The following MOV10L1 variants were observed in gnomAD, a reference collection of about 807,000 sequenced individuals.
The protein encoded by MOV10L1 is Mov10 like RNA helicase 1.
Under a neutral mutation model 143.8 loss-of-function variants are expected in MOV10L1, and 110 were observed. The observed-to-expected ratio is 0.76, with a 90% CI of 0.66 to 0.90. MOV10L1 has a LOEUF of 0.90. MOV10L1 is among the 40% of genes least tolerant of loss of function. The pLI, the probability that MOV10L1 is intolerant of heterozygous loss-of-function variation, is 0.00. For missense variants in MOV10L1, 1,406 were observed against 1,526.8 expected (o/e 0.92, Z 1.32); for synonymous variants, 593 against 581.1 (o/e 1.02, Z -0.29).
chr22:50,151,607 G>A (rs2063298432), intron 21 of MOV10L1, among the ~76,000 whole-genome samples: 1 of 152,182 alleles, frequency 6.6e-6, no homozygotes, highest in Non-Finnish European at 1.5e-5. Context: ...CCATGAAACT[G>A]CCCCCAGGAA....
At chr22:50,110,563 G>C (rs2061997407) in intron 5 of MOV10L1, among the ~76,000 whole-genome samples, 1 of 152,116 alleles carries the variant, frequency 6.6e-6, no homozygotes, top group Admixed American at 6.5e-5. Flanking sequence ...TGCTGTTTTG[G>C]GTGGATTTTT....
intron 5 of MOV10L1, among the ~76,000 whole-genome samples, chr22:50,112,863 T>A (rs1199100727): frequency 6.6e-6 from 1 of 152,230 alleles, no homozygotes; most frequent in Non-Finnish European, 1.5e-5. Context: ...TCAGCAACGC[T>A]GTGGACTCTC....
At chr22:50,136,374 T>C (rs896080515) in intron 15 of MOV10L1, among the ~76,000 whole-genome samples, 2 of 152,246 alleles carry the variant, frequency 1.3e-5, no homozygotes, top group African/African-American at 4.8e-5. Context: ...ATGGATTAAC[T>C]AGATTGAAAA....
At chr22:50,160,927 CTTG>C (rs781372782) in intron 25 of MOV10L1, 34 bp from the exon 26 acceptor site, 1 of 1,613,652 alleles carries the variant, frequency 6.2e-7, no homozygotes, top group South Asian at 1.1e-5. Context: ...GGGGCCTTCA[CTTG>C]CTCTCACACC....
chr22:50,157,002 C>T (rs1292103955), intron 22 of MOV10L1, among the ~76,000 whole-genome samples: 1 of 152,210 alleles, frequency 6.6e-6, no homozygotes, highest in East Asian at 1.9e-4. Context: ...AGTTTCCCCA[C>T]ATCCTCACCA....
intron 13 of MOV10L1, among the ~76,000 whole-genome samples, chr22:50,129,552 A>G (rs1239232315): frequency 6.6e-6 from 1 of 151,986 alleles, no homozygotes; most frequent in East Asian, 1.9e-4. Context: ...TGCTGTTACG[A>G]TTGTTTGCTG....
intron 5 of MOV10L1, among the ~76,000 whole-genome samples, chr22:50,109,889 GCCTGT>G (rs1569281351): frequency 6.6e-6 from 1 of 152,012 alleles, no homozygotes; most frequent in African/African-American, 2.4e-5. Flanking sequence ...GGTGGCTCAC[GCCTGT>G]AATCCCAACG....
chr22:50,092,486 A>C (rs1188338499), intron 2 of MOV10L1, among the ~76,000 whole-genome samples: 2 of 152,024 alleles, frequency 1.3e-5, no homozygotes, highest in Non-Finnish European at 2.9e-5. Context: ...AAACCCACAA[A>C]AGTTAGCCTG....
intron 1 of MOV10L1, chr22:50,090,878 G>T: frequency 7.1e-6 from 2 of 281,506 alleles, no homozygotes; most frequent in South Asian, 7.4e-5. Context: ...GGTTCGCCAT[G>T]TTGGTCAGGC....
intron 1 of MOV10L1, chr22:50,090,714 TTGC>T: frequency 3.0e-6 from 2 of 669,306 alleles, no homozygotes; most frequent in South Asian, 1.9e-5. Flanking sequence ...TTCGCTCTTG[TTGC>T]CCAGGCTGGA....
At chr22:50,093,523 T>G (rs1472152873) in intron 2 of MOV10L1, 4 of 141,692 alleles carry the variant, frequency 2.8e-5, no homozygotes, top group African/African-American at 5.1e-5. Context: ...TTTTTTCAAT[T>G]TTTGAGACAG....
intron 15 of MOV10L1, among the ~76,000 whole-genome samples, chr22:50,138,862 C>G (rs911214432): frequency 2.0e-5 from 3 of 152,090 alleles, no homozygotes; most frequent in Non-Finnish European, 2.9e-5. Context: ...TGCCACCACA[C>G]CCTGCTAATT....
At chr22:50,116,603 A>T (rs113591139) in intron 8 of MOV10L1, among the ~76,000 whole-genome samples, 79 of 149,804 alleles carry the variant, frequency 5.3e-4, no homozygotes, top group African/African-American at 1.7e-3. Flanking sequence ...GAATATCAAA[A>T]TTTTTTCCTA....
intron 12 of MOV10L1, among the ~76,000 whole-genome samples, chr22:50,126,650 G>C (rs757423387): frequency 3.9e-5 from 6 of 152,164 alleles, no homozygotes; most frequent in Non-Finnish European, 7.3e-5. Flanking sequence ...AGTAGATCCT[G>C]GTGCTCCAGA....
chr22:50,138,308 G>GCC (rs1358429557), intron 15 of MOV10L1, among the ~76,000 whole-genome samples: 2 of 152,280 alleles, frequency 1.3e-5, no homozygotes, highest in East Asian at 3.9e-4. Context: ...GGTGACTCGT[G>GCC]CCGGTAATTC....
At position 50,159,991 on chromosome 22, in the gene MOV10L1, G is replaced by A. The variant is rs531964548; in HGVS notation, c.3324+206G>A. Reference sequence around the variant, plus strand: ...AATACTCAAAGACTAAGACACAGGAGAGTAAAGAGAAGGGACCCAGGAAGA... The same window carrying A: ...AATACTCAAAGACTAAGACACAGGAAAGTAAAGAGAAGGGACCCAGGAAGA... On this transcript the variant is annotated intron_variant, in intron 24 of 26. Coordinates refer to ENST00000262794, the MANE Select transcript of MOV10L1 (RefSeq NM_018995.3). The surrounding 1 kb of genome is among the most constrained non-coding windows in gnomAD (Gnocchi z 4.1). 5.3e-5 allele frequency among the ~76,000 whole-genome samples: 8 copies of A among 152,292 alleles called. No homozygotes were observed. The South Asian group carries it at 1.0e-3, about 20-fold the overall frequency.
chr22:50,143,350 T>G (rs2063045047), intron 17 of MOV10L1, 129 bp downstream of exon 17: 1 of 1,052,736 alleles, frequency 9.5e-7, no homozygotes, highest in African/African-American at 1.6e-5. Flanking sequence ...TACCAGTTAT[T>G]TCATAATGTT....
At chr22:50,111,486 C>CTTTTT (rs529438045) in intron 5 of MOV10L1, among the ~76,000 whole-genome samples, 9 of 59,148 alleles carry the variant, frequency 1.5e-4, no homozygotes, top group East Asian at 4.4e-4. Context: ...TCTGTCTTTG[C>CTTTTT]TTTTTTTTTT....
At chr22:50,122,486 A>C (rs541743900) in intron 10 of MOV10L1, among the ~76,000 whole-genome samples, 1 of 152,210 alleles carries the variant, frequency 6.6e-6, no homozygotes, top group Non-Finnish European at 1.5e-5. Flanking sequence ...TATGCATGCC[A>C]TCTGCAAACA....
Sources: allele counts gnomAD v4.1 joint callset (sites outside exome capture counted in the v4.1 genomes callset), GRCh38; gene constraint gnomAD v4.1.1; non-coding constraint Gnocchi (gnomAD v3.1); transcripts MANE v1.5; gene names NCBI Gene and HGNC (gene_info 2026-07-23, HGNC 2026-07-21).